ANXA8: variants seen among roughly 807,000 people sequenced by gnomAD.
The protein encoded by ANXA8 is annexin A8.
ANXA8 carries 9 observed loss-of-function variants against 26.8 expected under a neutral mutation model. The ratio of observed to expected loss-of-function variants is 0.34; its 90% confidence interval spans 0.20 to 0.59. The LOEUF (loss-of-function observed/expected upper bound fraction) is 0.59. ANXA8 is among the 20% of genes least tolerant of loss of function. The pLI, the probability that ANXA8 is intolerant of heterozygous loss-of-function variation, is 0.84. For synonymous variants in ANXA8, 39 were observed against 94.8 expected (o/e 0.41, Z 3.42); for missense variants, 83 against 238.5 (o/e 0.35, Z 4.29).
the ANXA8 span, among the ~76,000 whole-genome samples, chr10:47,947,476 T>C: frequency 6.7e-6 from 1 of 148,236 alleles, no homozygotes; most frequent in South Asian, 2.1e-4. Context: ...ACAGTTGATA[T>C]GGCTTGGCTC....
chr10:47,645,277 A>T, the ANXA8 span, among the ~76,000 whole-genome samples: 1 of 146,140 alleles, frequency 6.8e-6, no homozygotes, highest in Non-Finnish European at 1.5e-5. Context: ...AAAATTTTGT[A>T]CCTTTAATTT....
At chr10:47,698,416 CTCT>C in the ANXA8 span, among the ~76,000 whole-genome samples, 1 of 145,626 alleles carries the variant, frequency 6.9e-6, no homozygotes, top group Non-Finnish European at 1.5e-5. Flanking sequence ...GTCCCATGAA[CTCT>C]TCTTCTAGCT....
chr10:47,645,070 TCATC>T, the ANXA8 span, among the ~76,000 whole-genome samples: 2 of 151,712 alleles, frequency 1.3e-5, no homozygotes, highest in East Asian at 3.9e-4. Flanking sequence ...GAAATTAAAC[TCATC>T]CCTAGTGATT....
At chr10:47,894,679 A>G in the ANXA8 span, among the ~76,000 whole-genome samples, 2 of 152,030 alleles carry the variant, frequency 1.3e-5, no homozygotes, top group Non-Finnish European at 2.9e-5. Flanking sequence ...CACACCACAC[A>G]CATCACATAC....
the ANXA8 span, among the ~76,000 whole-genome samples, chr10:47,948,899 G>T: frequency 2.6e-5 from 4 of 151,190 alleles, no homozygotes; most frequent in African/African-American, 9.7e-5. Flanking sequence ...CAGACAGACT[G>T]ACTCTCCTGC....
chr10:47,511,015 C>T, the ANXA8 span, among the ~76,000 whole-genome samples: 1 of 127,586 alleles, frequency 7.8e-6, no homozygotes, highest in Non-Finnish European at 1.6e-5. Flanking sequence ...GCGATCTCGG[C>T]TCACTGCAAG....
chr10:47,553,844 A>G, the ANXA8 span, among the ~76,000 whole-genome samples: 2 of 149,258 alleles, frequency 1.3e-5, no homozygotes, highest in African/African-American at 4.9e-5. Flanking sequence ...TGCAAAAGCC[A>G]GGAGACACAT....
the ANXA8 span, among the ~76,000 whole-genome samples, chr10:47,772,643 C>G: frequency 1.3e-5 from 2 of 151,928 alleles, no homozygotes; most frequent in Non-Finnish European, 2.9e-5. Flanking sequence ...CAAGGTCACA[C>G]AACTAGAAAT....
At chr10:47,981,215 T>C in the ANXA8 span, among the ~76,000 whole-genome samples, 4 of 151,532 alleles carry the variant, frequency 2.6e-5, no homozygotes, top group Non-Finnish European at 5.9e-5. Flanking sequence ...CTAATCTCAA[T>C]AGATGCAGAA....
At chr10:47,727,095 A>G in the ANXA8 span, 1 of 714,410 alleles carries the variant, frequency 1.4e-6, no homozygotes, top group South Asian at 1.6e-5. Flanking sequence ...CTTAAGTGAA[A>G]TATAAGCCTA....
the ANXA8 span, among the ~76,000 whole-genome samples, chr10:47,953,681 CAAACAACT>C: frequency 2.7e-5 from 4 of 149,410 alleles, no homozygotes; most frequent in Admixed American, 2.7e-4. Context: ...ATGCAAAGCT[CAAACAACT>C]AAATAGGAAG....
At chr10:47,584,930 A>G in the ANXA8 span, among the ~76,000 whole-genome samples, 1 of 145,886 alleles carries the variant, frequency 6.9e-6, no homozygotes, top group Non-Finnish European at 1.5e-5. Flanking sequence ...TCTACTAAAA[A>G]TACAAAAATT....
At chr10:47,628,786 A>G in the ANXA8 span, among the ~76,000 whole-genome samples, 1 of 149,868 alleles carries the variant, frequency 6.7e-6, no homozygotes, top group African/African-American at 2.5e-5. Flanking sequence ...TGAACAAAAG[A>G]AAAAACATTT....
At chr10:47,525,470 G>A in the ANXA8 span, among the ~76,000 whole-genome samples, 4 of 138,850 alleles carry the variant, frequency 2.9e-5, no homozygotes, top group African/African-American at 5.5e-5. Flanking sequence ...CACAAGAACA[G>A]CATGAGGATA....
the ANXA8 span, among the ~76,000 whole-genome samples, chr10:47,959,158 G>A: frequency 6.8e-6 from 1 of 146,138 alleles, no homozygotes; most frequent in African/African-American, 2.7e-5. Context: ...AGAACATGGG[G>A]GTGGAGTGAC....
chr10:47,894,940 C>G, the ANXA8 span, among the ~76,000 whole-genome samples: 1 of 152,134 alleles, frequency 6.6e-6, no homozygotes, highest in Admixed American at 6.5e-5. Flanking sequence ...CCACATAACA[C>G]AGCACGCACT....
the ANXA8 span, among the ~76,000 whole-genome samples, chr10:47,711,089 G>T: frequency 6.7e-6 from 1 of 148,710 alleles, no homozygotes; most frequent in Non-Finnish European, 1.5e-5. Flanking sequence ...TGATTATAAG[G>T]CAGATGTCAA....
At chr10:47,682,892 G>T in the ANXA8 span, among the ~76,000 whole-genome samples, 1 of 152,216 alleles carries the variant, frequency 6.6e-6, no homozygotes, top group Non-Finnish European at 1.5e-5. Context: ...AATTCCCGTT[G>T]TATTGCAAGC....
At chr10:47,502,115 T>C in the ANXA8 span, 2 of 1,573,804 alleles carry the variant, frequency 1.3e-6, no homozygotes, top group Non-Finnish European at 1.7e-6. Flanking sequence ...CAGAAGCACG[T>C]TGATGCACTC....
Sources: gnomAD v4.1 joint callset for allele counts (sites outside exome capture counted in the v4.1 genomes callset) on GRCh38, gnomAD v4.1.1 for gene constraint, MANE v1.5 for transcripts, NCBI Gene and HGNC (gene_info 2026-07-23, HGNC 2026-07-21) for gene names.